FBXL13: variants seen among roughly 807,000 people sequenced by gnomAD.
The protein encoded by FBXL13 is F-box and leucine rich repeat protein 13.
A neutral mutation model predicts 83.6 loss-of-function variants in FBXL13; 67 were observed. The observed-to-expected ratio is 0.80, with a 90% CI of 0.66 to 0.98. The LOEUF is 0.98. Ranked by LOEUF, FBXL13 falls within the 50% of genes least tolerant of loss-of-function variation. The pLI, the probability that FBXL13 is intolerant of heterozygous loss-of-function variation, is 0.00. For synonymous variants in FBXL13, 272 were observed against 299.5 expected, an observed-to-expected ratio of 0.91 and a Z score of 0.95; for missense variants, 822 against 866.5, an observed-to-expected ratio of 0.95 and a Z score of 0.64.
Position 102,816,492 on chromosome 7 carries a change from C to T in FBXL13, c.2019-2961G>A, listed in dbSNP as rs555298051. 1.4e-4 allele frequency among the ~76,000 whole-genome samples: 21 copies of T among 152,274 alleles called. No homozygotes were observed. The South Asian group carries it at 3.9e-3, about 29-fold the overall frequency. ...CCTCACCACCTTTGGCATCCTCACA[C>T]GGACTGACTAACCTAAGACCCAGGA... On this transcript the variant is annotated intron_variant, in intron 19 of 19. Transcript: ENST00000313221.
chr7:102,955,368 C>T (rs537535650), intron 8 of FBXL13, among the ~76,000 whole-genome samples: 36 of 151,868 alleles, frequency 2.4e-4, no homozygotes, highest in African/African-American at 8.4e-4. Context: ...CAACGCACCA[C>T]AATCTGGGAC....
chr7:103,058,634 T>C (rs58307369), intron 1 of FBXL13, among the ~76,000 whole-genome samples: 9,028 of 152,210 alleles, frequency 0.059, 314 homozygotes, highest in South Asian at 0.11. Context: ...AGGACATCTA[T>C]ATCAGAATCA....
chr7:102,811,361 A>T (rs936729257), downstream of FBXL13, among the ~76,000 whole-genome samples: 3 of 152,220 alleles, frequency 2.0e-5, no homozygotes, highest in African/African-American at 7.2e-5. Context: ...AATATCTTTG[A>T]TATTTTGAGT....
At chr7:103,071,270 C>G (rs972072559) in intron 1 of FBXL13, among the ~76,000 whole-genome samples, 3 of 152,036 alleles carry the variant, frequency 2.0e-5, no homozygotes, top group African/African-American at 4.8e-5. Context: ...AAAGAGAGAA[C>G]TGAATAGAAG....
At chr7:103,025,149 G>A (rs750994268) in exon 6 of FBXL13, 4 of 1,611,814 alleles carry the variant, frequency 2.5e-6, no homozygotes, top group Admixed American at 1.7e-5. Context: ...CTTCGTTCAG[G>A]AAAATTGGAT....
At chr7:103,043,596 C>T (rs1330601657) in intron 2 of FBXL13, among the ~76,000 whole-genome samples, 3 of 152,212 alleles carry the variant, frequency 2.0e-5, no homozygotes, top group Non-Finnish European at 4.4e-5. Flanking sequence ...ACTGCAACCT[C>T]AGCCTTCAGG....
At chr7:102,974,450 G>A (rs192305527) in intron 6 of FBXL13, among the ~76,000 whole-genome samples, 4 of 152,166 alleles carry the variant, frequency 2.6e-5, no homozygotes, top group Admixed American at 6.5e-5. Flanking sequence ...CATCCTCCTT[G>A]TCTTTTTTTG....
Position 102,924,157 on chromosome 7 carries a change from G to C in FBXL13, c.878+2117C>G, listed in dbSNP as rs1169048126. On this transcript the variant is annotated intron_variant, in intron 10 of 19. Transcript: ENST00000313221. ...GGAGGCTGAGGCAGGAGAATTGCTTGAACCTGGGAGGCGAAGGTTGCGGTG... is the reference window on the plus strand; with the variant it reads ...GGAGGCTGAGGCAGGAGAATTGCTTCAACCTGGGAGGCGAAGGTTGCGGTG... Among the ~76,000 whole-genome samples the C allele has an allele frequency of 2.0e-5, 3 of 150,910 alleles. No homozygotes were observed. The East Asian group carries it at 5.9e-4, about 29-fold the overall frequency.
intron 19 of FBXL13, among the ~76,000 whole-genome samples, chr7:102,816,753 C>T (rs749022989): frequency 6.6e-4 from 101 of 152,128 alleles, no homozygotes; most frequent in Non-Finnish European, 1.2e-3. Context: ...CTTTGTTAAC[C>T]CTCGCCATCC....
intron 8 of FBXL13, chr7:102,942,379 A>G (rs1821633876): frequency 1.5e-5 from 22 of 1,487,958 alleles, no homozygotes; most frequent in Middle Eastern, 3.5e-4. Context: ...GCCAGACTTT[A>G]AAAGACGTGA....
intron 17 of FBXL13, among the ~76,000 whole-genome samples, chr7:102,847,513 C>T (rs1243261766): frequency 6.6e-6 from 1 of 152,040 alleles, no homozygotes; most frequent in Non-Finnish European, 1.5e-5. Context: ...TTCTTTAACA[C>T]TCAATTTTTT....
chr7:103,003,274 TG>T (rs1790597497), intron 6 of FBXL13, among the ~76,000 whole-genome samples: 1 of 142,276 alleles, frequency 7.0e-6, no homozygotes, highest in Non-Finnish European at 1.5e-5. Flanking sequence ...GTTGTTGTTT[TG>T]GGGTTTTTTT....
intron 16 of FBXL13, among the ~76,000 whole-genome samples, chr7:102,867,695 ATTTTTTTTTT>A (rs1205859622): frequency 2.0e-5 from 1 of 49,060 alleles, no homozygotes; most frequent in Non-Finnish European, 3.2e-5. Context: ...ATATATATAT[ATTTTTTTTTT>A]TTTTTTTTTT....
chr7:102,975,247 A>G (rs1382392063), intron 6 of FBXL13, among the ~76,000 whole-genome samples: 1 of 152,226 alleles, frequency 6.6e-6, no homozygotes, highest in Non-Finnish European at 1.5e-5. Flanking sequence ...TCAAATTAAC[A>G]AAAGACTCAG....
chr7:102,878,229 T>C, intron 15 of FBXL13, 102 bp downstream of exon 16: 1 of 1,021,088 alleles, frequency 9.8e-7, no homozygotes, highest in South Asian at 3.0e-5. Flanking sequence ...ATCTCTGATG[T>C]TCCCCCAAAT....
chr7:102,813,324 C>A, exon 20 of FBXL13: 1 of 1,568,900 alleles, frequency 6.4e-7, no homozygotes, highest in South Asian at 1.2e-5. Flanking sequence ...TTTTGTTCTT[C>A]CTGCTTGAGG....
chr7:102,953,369 T>A (rs1339443333), intron 8 of FBXL13, among the ~76,000 whole-genome samples: 3 of 150,870 alleles, frequency 2.0e-5, no homozygotes, highest in South Asian at 2.1e-4. Flanking sequence ...AAAAAAAAAA[T>A]CAATCAATGT....
intron 19 of FBXL13, among the ~76,000 whole-genome samples, chr7:102,821,628 T>G (rs1315885008): frequency 6.6e-6 from 1 of 152,228 alleles, no homozygotes; most frequent in Non-Finnish European, 1.5e-5. Flanking sequence ...GCATTTCATA[T>G]GTTACTTTAT....
chr7:102,815,895 G>GAAA (rs374943064), intron 19 of FBXL13, among the ~76,000 whole-genome samples: 2 of 152,212 alleles, frequency 1.3e-5, no homozygotes, highest in East Asian at 3.9e-4. Context: ...GGGGGTTTGA[G>GAAA]AAAATAACAA....
Sources: allele counts gnomAD v4.1 joint callset (sites outside exome capture counted in the v4.1 genomes callset), GRCh38; gene constraint gnomAD v4.1.1; transcripts MANE v1.5; gene names NCBI Gene and HGNC (gene_info 2026-07-23, HGNC 2026-07-21).